Variants in MAEA observed in about 807,000 individuals in gnomAD.
The protein encoded by MAEA is E3 ubiquitin-protein transferase MAEA.
A neutral mutation model predicts 46.2 loss-of-function variants in MAEA; 22 were observed. The observed-to-expected ratio is 0.48, with a 90% CI of 0.34 to 0.68. MAEA has a LOEUF of 0.68. Ranked by LOEUF, MAEA falls within the 30% of genes least tolerant of loss-of-function variation. MAEA has a pLI of 0.01. For synonymous variants in MAEA, 246 were observed against 222.6 expected (o/e 1.11, Z -0.94); for missense variants, 393 against 558.1 (o/e 0.70, Z 2.98).
At chr4:1,333,443 C>G (rs1369651151) in intron 6 of MAEA, among the ~76,000 whole-genome samples, 1 of 152,168 alleles carries the variant, frequency 6.6e-6, no homozygotes. Context: ...TCTCCTTTCT[C>G]TACAGCCCCT....
chr4:1,336,630 C>T (rs565594621), intron 6 of MAEA, among the ~76,000 whole-genome samples: 4 of 152,318 alleles, frequency 2.6e-5, no homozygotes, highest in East Asian at 3.9e-4. Flanking sequence ...TAAGTCAGCA[C>T]TCATCCCGCA....
At position 1,322,515 on chromosome 4, in the gene MAEA, C is replaced by G; in HGVS notation, c.579+12C>G. 1 of 1,613,172 alleles carries G rather than the reference C, an allele frequency of 6.2e-7. No individual in the cohort carries two copies. Among genetic ancestry groups the G allele is most frequent in the South Asian group, 1.1e-5 (1 of 91,046 alleles). On this transcript the variant is annotated intron_variant, in intron 4 of 8. Coordinates refer to ENST00000303400, the MANE Select transcript of MAEA (RefSeq NM_001017405.3). ...TCCGGAAGATGAAGGTGCACGGACT[C>G]CCAGGTTGGGGTGGGAGTGGGTCGG...
chr4:1,311,371 C>G lies in MAEA; in HGVS notation c.70-608C>G, dbSNP rs1451209254. ...TTCTCTCAGAGGGACAGAAAACTAA[C>G]AACGACTTTAAGATTCTCCTTGATT... On this transcript the variant is annotated intron_variant, in intron 1 of 8. Transcript: ENST00000303400. The surrounding 1 kb of genome is among the most constrained non-coding windows in gnomAD (Gnocchi z 4.4). 6.6e-6 allele frequency among the ~76,000 whole-genome samples: 1 copy of G among 152,254 alleles called. No homozygotes were observed. The highest frequency in any genetic ancestry group is 1.9e-4 in the East Asian group (1 of 5,202).
rs555041494 is a variant in MAEA, at chr4:1,335,058, C to T, written c.766-1803C>T. On this transcript the variant is annotated intron_variant, in intron 6 of 8. Coordinates refer to ENST00000303400, the MANE Select transcript of MAEA (RefSeq NM_001017405.3). ...GTCTCCCCCCAAGCTAGAGACTGAG[C>T]GGCCTTTCTGGGTTGATGTGAAGGT... 2.2e-5 allele frequency: 22 copies of T among 985,378 alleles called. No individual in the cohort carries two copies. The Admixed American group carries it at 5.5e-4, about 25-fold the overall frequency. 61.0% of individuals were successfully genotyped at this position (985,378 alleles called of 1,614,324 possible).
In MAEA at chr4:1,311,068, TC is replaced by T. The variant is rs33958745; in HGVS notation, c.70-908del. 0.99 allele frequency among the ~76,000 whole-genome samples: 151,127 copies of T among 152,314 alleles called. 74,981 individuals are homozygous for T. Among genetic ancestry groups the T allele is most frequent in the East Asian group, 1 (5,153 of 5,154 alleles). ...GCAGGCGGTACCCGAGAGTCTGTCC[TC>T]CCATGGTTGGGCACGGCTGGAGAGG... On this transcript the variant is annotated intron_variant, in intron 1 of 8. Transcript: ENST00000303400. The surrounding 1 kb of genome is among the most constrained non-coding windows in gnomAD (Gnocchi z 4.4).
intron 4 of MAEA, 87 bp from the exon 5 acceptor site, chr4:1,327,540 C>A: frequency 1.1e-6 from 1 of 877,738 alleles, no homozygotes; most frequent in South Asian, 1.3e-5. Flanking sequence ...GTTGTGGGGT[C>A]TGCTGGTGGA....
intron 7 of MAEA, chr4:1,337,366 T>C (rs990794313): frequency 1.6e-4 from 46 of 292,436 alleles, no homozygotes; most frequent in African/African-American, 9.3e-4. Context: ...CGCCTGTGAC[T>C]GACTCTGTCC....
chr4:1,297,454 C>CGTGTGTGTGT (rs368069067), intron 1 of MAEA, among the ~76,000 whole-genome samples: 188 of 150,606 alleles, frequency 1.2e-3, no homozygotes, highest in African/African-American at 4.4e-3. Flanking sequence ...TGAAAAAGTA[C>CGTGTGTGTGT]GTGCGTATGT....
intron 1 of MAEA, chr4:1,309,635 G>A (rs1171902041): frequency 6.5e-7 from 1 of 1,529,974 alleles, no homozygotes; most frequent in Non-Finnish European, 8.7e-7. Flanking sequence ...GGCCTGAGGA[G>A]TAAGCGGCTG....
intron 1 of MAEA, chr4:1,309,654 C>T (rs1313034672): frequency 6.5e-7 from 1 of 1,531,538 alleles, no homozygotes. Context: ...TGGATGTGGA[C>T]CCTGAGAGCC....
chr4:1,296,655 C>T (rs1046167310), intron 1 of MAEA, among the ~76,000 whole-genome samples: 4 of 151,970 alleles, frequency 2.6e-5, no homozygotes, highest in East Asian at 1.9e-4. Context: ...CCCCGTCCTC[C>T]TCCAGCTACT....
chr4:1,316,668 A>G (rs1203548060), intron 3 of MAEA, among the ~76,000 whole-genome samples: 4 of 152,014 alleles, frequency 2.6e-5, no homozygotes, highest in African/African-American at 9.7e-5. Flanking sequence ...CACGGCTTAA[A>G]TCCCACCCAC....
chr4:1,309,657 T>C, intron 1 of MAEA: 1 of 1,531,700 alleles, frequency 6.5e-7, no homozygotes, highest in Non-Finnish European at 8.7e-7. Context: ...ATGTGGACCC[T>C]GAGAGCCACT....
rs1052737095 is a variant in MAEA, at chr4:1,317,835, C to T, written c.456+2235C>T. Among the ~76,000 whole-genome samples the T allele has an allele frequency of 7.2e-5, 11 of 152,226 alleles. No individual in the cohort carries two copies. In the South Asian group the frequency reaches 1.2e-3, roughly 17 times the overall value. ...GTGCCCTGCAGTCTTGTTGAGTTTC[C>T]GAAGTCTCCAGGTCATGACTCGCAG... On this transcript the variant is annotated intron_variant, in intron 3 of 8. Coordinates refer to ENST00000303400, the MANE Select transcript of MAEA (RefSeq NM_001017405.3).
chr4:1,336,791 C>A, intron 6 of MAEA, 70 bp from the exon 7 acceptor site: 1 of 1,498,502 alleles, frequency 6.7e-7, no homozygotes, highest in Non-Finnish European at 9.1e-7. Context: ...TCACCATGGT[C>A]CACGTTTTTA....
Position 1,327,697 on chromosome 4 carries a change from C to G in MAEA, c.650C>G (p.Ala217Gly), listed in dbSNP as rs1176031105. Residue 217 changes from alanine (A) to glycine (G), a missense_variant, in exon 5 of 9, where the codon GCT (alanine) becomes GGT (glycine). Physicochemically the swap from Ala to Gly is moderately conservative, Grantham distance 60. Around this residue, in one of 2 missense-constraint regions of MAEA, gnomAD observed 358 missense variants for 537.9 expected, o/e 0.67. Transcript: ENST00000303400. The stretch of plus-strand genomic sequence containing the variant: ...ATCCGGCAGAATAAGAGACTGGACG[C>G]TGTGAGGTAGGCATTGCGGACGTGC... ...ELIRQNKRLD[A>G]VRHARKHFSQ... 3 of 1,613,684 alleles carry G rather than the reference C, an allele frequency of 1.9e-6. No individual in the cohort carries two copies. The highest frequency in any genetic ancestry group is 2.5e-6 in the Non-Finnish European group (3 of 1,179,876).
At chr4:1,293,445 A>G (rs1301134107) in intron 1 of MAEA, among the ~76,000 whole-genome samples, 2 of 152,234 alleles carry the variant, frequency 1.3e-5, no homozygotes, top group Non-Finnish European at 2.9e-5. Flanking sequence ...CCTGCTGCAC[A>G]GAGAGAACTT....
intron 4 of MAEA, chr4:1,323,508 A>G (rs1387768595): frequency 4.3e-6 from 3 of 702,494 alleles, no homozygotes; most frequent in Admixed American, 4.0e-5. Context: ...CGCCAAAACA[A>G]GCACGAAGCA....
At chr4:1,291,417 A>G (rs1734096606) in intron 1 of MAEA, among the ~76,000 whole-genome samples, 1 of 152,196 alleles carries the variant, frequency 6.6e-6, no homozygotes, top group South Asian at 2.1e-4. Flanking sequence ...AGATCCCTCC[A>G]AGATGTAGGT....
Sources: allele counts gnomAD v4.1 joint callset (sites outside exome capture counted in the v4.1 genomes callset), GRCh38; gene constraint gnomAD v4.1.1; regional missense constraint gnomAD v4.1.1; non-coding constraint Gnocchi (gnomAD v3.1); transcripts MANE v1.5; gene names NCBI Gene and HGNC (gene_info 2026-07-23, HGNC 2026-07-21).